DSC3: variants seen among roughly 807,000 people sequenced by gnomAD.
DSC3 encodes the protein desmocollin 3, also known as desmocollin-3.
In DSC3, 97 loss-of-function variants were observed where a neutral mutation model predicts 89.5. That is an observed-to-expected ratio of 1.08 (90% CI 0.92 to 1.28). The LOEUF is 1.28. Ranked by LOEUF, DSC3 falls within the 50% of genes most tolerant of loss-of-function variation. The probability of loss-of-function intolerance (pLI) is 0.00; values close to 1 mark genes in which losing one functional copy is unlikely to be tolerated. For missense variants in DSC3, 1,199 were observed against 1,085.3 expected (o/e 1.10, Z -1.47); for synonymous variants, 436 against 384.1 (o/e 1.14, Z -1.58).
intron 1 of DSC3, among the ~76,000 whole-genome samples, chr18:31,033,446 C>A (rs1985868538): frequency 6.6e-6 from 1 of 151,948 alleles, no homozygotes; most frequent in Admixed American, 6.6e-5. Flanking sequence ...ACTTAAATCC[C>A]AGAAATAAGG....
rs566954516 is a variant in DSC3, at chr18:31,003,758, G to A, written c.2113+384C>T. Among the ~76,000 whole-genome samples the A allele has an allele frequency of 4.6e-5, 7 of 152,290 alleles. No homozygotes were observed. The South Asian group carries it at 8.3e-4, about 18-fold the overall frequency. On this transcript the variant is annotated intron_variant, in intron 13 of 15. Transcript: ENST00000360428. ...CATTGCTGAGAACAGAACATCTCCCGTAACTCTGTGGCTGGACGGTAAGAA... is the reference window on the plus strand; with the variant it reads ...CATTGCTGAGAACAGAACATCTCCCATAACTCTGTGGCTGGACGGTAAGAA...
At chr18:31,032,408 A>C in intron 1 of DSC3, 132 bp from the exon 2 acceptor site, 1 of 706,854 alleles carries the variant, frequency 1.4e-6, no homozygotes, top group South Asian at 1.7e-5. Flanking sequence ...CAAACTAGGA[A>C]TAGAAAGGAA....
At chr18:31,032,585 T>TGTGTGTGC (rs1555634793) in intron 1 of DSC3, among the ~76,000 whole-genome samples, 5 of 117,652 alleles carry the variant, frequency 4.2e-5, no homozygotes, top group Non-Finnish European at 8.6e-5. Flanking sequence ...TGTGTGTGTG[T>TGTGTGTGC]GTGTGCGTGT....
chr18:31,025,968 T>C, intron 4 of DSC3, 53 bp from the exon 5 acceptor site: 1 of 1,510,378 alleles, frequency 6.6e-7, no homozygotes, highest in Admixed American at 1.8e-5. Context: ...TCAGTTACAA[T>C]ATTTTTTAAA....
intron 14 of DSC3, among the ~76,000 whole-genome samples, 198 bp downstream of exon 14, chr18:31,001,420 A>G (rs149983323): frequency 0.013 from 2,029 of 152,180 alleles, 39 homozygotes; most frequent in African/African-American, 0.047. Context: ...AAAAAAGATA[A>G]CTAAAATAAT....
intron 13 of DSC3, among the ~76,000 whole-genome samples, chr18:31,003,582 G>A (rs550090839): frequency 1.3e-5 from 2 of 152,260 alleles, no homozygotes; most frequent in South Asian, 4.1e-4. Context: ...AGGTCACATG[G>A]CTTACAAGCA....
chr18:31,002,249 A>T (rs1357642915), intron 13 of DSC3, among the ~76,000 whole-genome samples: 1 of 152,218 alleles, frequency 6.6e-6, no homozygotes, highest in African/African-American at 2.4e-5. Flanking sequence ...TGATAATTAA[A>T]CTAAGAAGAA....
At position 31,042,734 on chromosome 18, in the gene DSC3, G is replaced by A; in HGVS notation, c.-74C>T. ...AGAGCGAGACCTGCCGAGGTGCAGG[G>A]CGCGGGAGGTGCTTTTCTCGCCGCT... On this transcript the variant is annotated 5_prime_UTR_variant, in exon 1 of 16. Transcript: ENST00000360428. 2 of 1,385,838 alleles carry A rather than the reference G, an allele frequency of 1.4e-6. No individual in the cohort carries two copies. Among genetic ancestry groups the A allele is most frequent in the South Asian group, 2.6e-5 (2 of 76,414 alleles). 85.8% of individuals were successfully genotyped at this position (1,385,838 alleles called of 1,614,324 possible).
At position 30,993,372 on chromosome 18, in the gene DSC3, A is replaced by T. The variant is rs1984339618; in HGVS notation, c.*803T>A. 1 of 152,160 alleles carries T rather than the reference A, an allele frequency of 6.6e-6. No homozygotes were observed. The highest frequency in any genetic ancestry group is 1.5e-5 in the Non-Finnish European group (1 of 68,024). The allele number at this position is 152,160 out of a possible 1,614,324, so 9.4% of individuals were successfully genotyped here. On this transcript the variant is annotated 3_prime_UTR_variant, in exon 16 of 16. Transcript: ENST00000360428. ...TATTTCCTTCCCACAGAAACCAGAAAAGTTTAATTTATTTACAATTTTAAA... is the reference window on the plus strand; with the variant it reads ...TATTTCCTTCCCACAGAAACCAGAATAGTTTAATTTATTTACAATTTTAAA...
At chr18:30,996,505 A>G (rs551956449) in intron 15 of DSC3, among the ~76,000 whole-genome samples, 1 of 152,182 alleles carries the variant, frequency 6.6e-6, no homozygotes, top group Non-Finnish European at 1.5e-5. Context: ...CTTCTATATC[A>G]AAAGGGTTCA....
rs1476572955 is a variant in DSC3, at chr18:31,018,173, G to A, written c.1161C>T (p.Ala387=). 1.9e-6 allele frequency: 3 copies of A among 1,611,362 alleles called. No homozygotes were observed. Among genetic ancestry groups the A allele is most frequent in the Non-Finnish European group, 2.5e-6 (3 of 1,178,276 alleles). The change falls in exon 9 of 16, where the codon GCC becomes GCT. Residue 387 remains alanine (A), a synonymous_variant. Transcript: ENST00000360428. ...PIEDKDLINT[A]NWRVNFTILK... ...AAATGGTAAAATTGACTCTCCAATT[G>A]GCAGTGTTAATTAAATCCTTATCTT...
chr18:31,001,226 A>G lies in DSC3; in HGVS notation c.2235+392T>C, dbSNP rs919688916. ...TCTCCCTTTCTTTTAGATATATCTC[A>G]TTGATATTTTCCTAGCTATCTTGAG... On this transcript the variant is annotated intron_variant, in intron 14 of 15. Coordinates refer to ENST00000360428, the MANE Select transcript of DSC3 (RefSeq NM_001941.5). Among the ~76,000 whole-genome samples the G allele has an allele frequency of 3.3e-5, 5 of 151,402 alleles. No individual in the cohort carries two copies. The East Asian group carries it at 7.7e-4, about 23-fold the overall frequency.
intron 1 of DSC3, among the ~76,000 whole-genome samples, chr18:31,040,130 A>G (rs1986086630): frequency 6.6e-6 from 1 of 152,168 alleles, no homozygotes; most frequent in Non-Finnish European, 1.5e-5. Flanking sequence ...GGCAGAGTTC[A>G]TATACTCCAA....
chr18:31,035,953 C>A (rs1167897949), intron 1 of DSC3, among the ~76,000 whole-genome samples: 10 of 152,004 alleles, frequency 6.6e-5, no homozygotes, highest in Admixed American at 6.6e-4. Flanking sequence ...TTGCAGTTTG[C>A]TTTTTTCATC....
rs1272063271 is a variant in DSC3 at position 31,006,292 on chromosome 18, G to C, written c.1888+615C>G. On this transcript the variant is annotated intron_variant, in intron 12 of 15. Coordinates refer to ENST00000360428, the MANE Select transcript of DSC3 (RefSeq NM_001941.5). ...CTTCTGCTCTCTCCTCACCTCGCTG[G>C]TATTATTATTATTATTATTATTTTG... Among the ~76,000 whole-genome samples the C allele has an allele frequency of 2.0e-5, 3 of 149,780 alleles. No homozygotes were observed. In the South Asian group the frequency reaches 6.4e-4, roughly 32 times the overall value.
rs141252257 is a variant in DSC3 at position 31,031,070 on chromosome 18, G to A, written c.257C>T (p.Ala86Val). 19 of 1,613,772 alleles carry A rather than the reference G, an allele frequency of 1.2e-5. 1 individual carries two copies. The highest frequency in any genetic ancestry group is 5.3e-5 in the African/African-American group (4 of 74,868). Reference protein sequence around the residue: ...DGSVYTARAVALSDKKRSFTI... With the variant: ...DGSVYTARAVVLSDKKRSFTI... The stretch of plus-strand genomic sequence containing the variant: ...AAATGATCTTTTCTTATCAGACAGC[G>A]CAACAGCCCTGGCTGTGTACACTGA... The change falls in exon 3 of 16, where the codon GCG (alanine) becomes GTG (valine). Residue 86 changes from alanine (A) to valine (V), a missense_variant. By Grantham distance (64) the Ala-to-Val change is moderately conservative (BLOSUM62 0). Coordinates refer to ENST00000360428, the MANE Select transcript of DSC3 (RefSeq NM_001941.5).
chr18:31,024,309 T>C (rs1172314204), intron 6 of DSC3, 40 bp downstream of exon 6: 2 of 1,528,700 alleles, frequency 1.3e-6, no homozygotes, highest in African/African-American at 2.8e-5. Context: ...TACACAGACA[T>C]ATTTAAAATG....
At chr18:31,017,619 T>C (rs1567956075) in intron 9 of DSC3, among the ~76,000 whole-genome samples, 2 of 152,208 alleles carry the variant, frequency 1.3e-5, no homozygotes, top group Non-Finnish European at 2.9e-5. Context: ...GGTTTGTATG[T>C]CACATCATGT....
At chr18:31,029,734 T>C in intron 3 of DSC3, 106 bp from the exon 4 acceptor site, 1 of 1,438,024 alleles carries the variant, frequency 7.0e-7, no homozygotes, top group Non-Finnish European at 9.7e-7. Context: ...GGAGTTTCAG[T>C]GTCAGGCATT....
Sources: allele counts gnomAD v4.1 joint callset (sites outside exome capture counted in the v4.1 genomes callset), GRCh38; gene constraint gnomAD v4.1.1; transcripts MANE v1.5; gene names NCBI Gene and HGNC (gene_info 2026-07-23, HGNC 2026-07-21).